The following CCDC141 variants were observed in gnomAD, a reference collection of about 807,000 sequenced individuals.
CCDC141 encodes coiled-coil domain-containing protein 141.
In CCDC141, 168 loss-of-function variants were observed where a neutral mutation model predicts 181.0. That is an observed-to-expected ratio of 0.93 (90% CI 0.82 to 1.05). CCDC141 has a LOEUF of 1.05. Among genes scored for constraint, CCDC141 ranks in the 50% least tolerant of loss-of-function variants. The probability of loss-of-function intolerance (pLI) is 0.00; values close to 1 mark genes in which losing one functional copy is unlikely to be tolerated. For missense variants in CCDC141, 1,902 were observed against 1,788.5 expected, an observed-to-expected ratio of 1.06 and a Z score of -1.14; for synonymous variants, 666 against 642.3, an observed-to-expected ratio of 1.04 and a Z score of -0.56.
intron 2 of CCDC141, among the ~76,000 whole-genome samples, chr2:179,005,346 C>T (rs898495757): frequency 2.0e-5 from 3 of 151,514 alleles, no homozygotes; most frequent in South Asian, 2.1e-4. Context: ...TATTAAACAA[C>T]GTAACACACT....
intron 2 of CCDC141, among the ~76,000 whole-genome samples, chr2:179,035,630 T>C (rs1027730315): frequency 6.6e-6 from 1 of 152,204 alleles, no homozygotes; most frequent in Non-Finnish European, 1.5e-5. Flanking sequence ...TGATTGACTG[T>C]TGGATTTCAG....
At chr2:178,880,648 T>G (rs958515176) in intron 11 of CCDC141, among the ~76,000 whole-genome samples, 2 of 152,206 alleles carry the variant, frequency 1.3e-5, no homozygotes, top group African/African-American at 4.8e-5. Context: ...TGCTAGTGCT[T>G]GATCCTGCAC....
intron 6 of CCDC141, among the ~76,000 whole-genome samples, chr2:178,928,295 A>C (rs1027403288): frequency 6.6e-6 from 1 of 152,206 alleles, no homozygotes; most frequent in Non-Finnish European, 1.5e-5. Flanking sequence ...AGCTGAAAAT[A>C]GGCCTTTGGA....
At chr2:179,022,799 C>T (rs964851157) in intron 2 of CCDC141, among the ~76,000 whole-genome samples, 23 of 152,238 alleles carry the variant, frequency 1.5e-4, no homozygotes, top group African/African-American at 5.3e-4. Flanking sequence ...CCTTCCAATG[C>T]CAAGGACAGA....
At chr2:179,011,055 G>A (rs2042255801) in intron 2 of CCDC141, among the ~76,000 whole-genome samples, 1 of 152,060 alleles carries the variant, frequency 6.6e-6, no homozygotes, top group Non-Finnish European at 1.5e-5. Context: ...CTTCTGGAGA[G>A]GCTGAGGCAG....
intron 2 of CCDC141, among the ~76,000 whole-genome samples, chr2:178,998,113 T>TATA (rs1692370813): frequency 6.6e-6 from 1 of 151,706 alleles, no homozygotes; most frequent in South Asian, 2.1e-4. Flanking sequence ...TTAAGAATAT[T>TATA]TGTATATTGA....
In CCDC141 at chr2:178,894,997, T is replaced by A. The variant is rs1179553622; in HGVS notation, c.1266-6329A>T. On this transcript the variant is annotated intron_variant, in intron 8 of 23. Coordinates refer to ENST00000443758, the MANE Select transcript of CCDC141 (RefSeq NM_173648.4). ...TGTATTTCCTTCCAAAAAGACTTTC[T>A]TTTTGGTAGTCCCCTGGCCCTCCTC... 6.6e-5 allele frequency among the ~76,000 whole-genome samples: 10 copies of A among 152,180 alleles called. No individual in the cohort carries two copies. The East Asian group carries it at 1.9e-3, about 29-fold the overall frequency.
At chr2:178,979,882 G>T (rs12469182) in intron 2 of CCDC141, among the ~76,000 whole-genome samples, 60,514 of 151,776 alleles carry the variant, frequency 0.4, 13,946 homozygotes, top group Non-Finnish European at 0.54. Context: ...GTAATAATAA[G>T]GCTACTACAT....
the CCDC141 span, among the ~76,000 whole-genome samples, chr2:178,815,565 T>A: frequency 2.6e-5 from 4 of 152,322 alleles, no homozygotes; most frequent in East Asian, 7.7e-4. Context: ...TGCAGTATAG[T>A]CGTCCTTCAG....
At chr2:179,033,057 C>G (rs2043043719) in intron 2 of CCDC141, among the ~76,000 whole-genome samples, 1 of 147,198 alleles carries the variant, frequency 6.8e-6, no homozygotes, top group South Asian at 2.1e-4. Flanking sequence ...AGAAAAGATG[C>G]ATTCTGGCTA....
At chr2:179,015,149 A>T (rs1407597887) in intron 2 of CCDC141, among the ~76,000 whole-genome samples, 1 of 98,298 alleles carries the variant, frequency 1.0e-5, no homozygotes. Flanking sequence ...ATATATCAAT[A>T]TATCTCATAT....
At chr2:179,012,729 T>G (rs1173674077) in intron 2 of CCDC141, among the ~76,000 whole-genome samples, 1 of 152,136 alleles carries the variant, frequency 6.6e-6, no homozygotes, top group African/African-American at 2.4e-5. Flanking sequence ...AAATATTAGT[T>G]AACCGAATCC....
chr2:178,908,781 C>G (rs979472321), intron 7 of CCDC141, among the ~76,000 whole-genome samples: 1 of 152,210 alleles, frequency 6.6e-6, no homozygotes, highest in Non-Finnish European at 1.5e-5. Context: ...TTCTTGCCTA[C>G]ACATTTAACC....
chr2:178,818,496 TTAAC>T, the CCDC141 span, among the ~76,000 whole-genome samples: 1 of 152,220 alleles, frequency 6.6e-6, no homozygotes, highest in Admixed American at 6.5e-5. Flanking sequence ...TTCTCATTGT[TTAAC>T]TACCACTTAT....
At chr2:178,874,887 T>C (rs539123905) in intron 12 of CCDC141, 2 of 152,338 alleles carry the variant, frequency 1.3e-5, no homozygotes, top group African/African-American at 4.8e-5. Flanking sequence ...TATCGGGCAG[T>C]GGATTAAAAA....
intron 2 of CCDC141, among the ~76,000 whole-genome samples, chr2:178,996,229 C>A (rs1006410800): frequency 6.6e-6 from 1 of 151,950 alleles, no homozygotes; most frequent in Non-Finnish European, 1.5e-5. Context: ...AGGCATGCAC[C>A]ACCATGCCTG....
chr2:178,873,087 A>G (rs1292656058), intron 12 of CCDC141: 1 of 152,192 alleles, frequency 6.6e-6, no homozygotes, highest in Non-Finnish European at 1.5e-5. Context: ...CATTTGGCGA[A>G]ACAATTCTTA....
chr2:179,004,620 A>T (rs941183499), intron 2 of CCDC141, among the ~76,000 whole-genome samples: 1 of 152,206 alleles, frequency 6.6e-6, no homozygotes, highest in African/African-American at 2.4e-5. Context: ...TGAAATTTCT[A>T]TTCTATGAAT....
chr2:178,998,453 T>A (rs1692386471), intron 2 of CCDC141, among the ~76,000 whole-genome samples: 1 of 152,198 alleles, frequency 6.6e-6, no homozygotes, highest in Non-Finnish European at 1.5e-5. Context: ...GGAATCTAGC[T>A]ATTGTATTGT....
Sources: gnomAD v4.1 joint callset for allele counts (sites outside exome capture counted in the v4.1 genomes callset) on GRCh38, gnomAD v4.1.1 for gene constraint, MANE v1.5 for transcripts, NCBI Gene and HGNC (gene_info 2026-07-23, HGNC 2026-07-21) for gene names.